Variants in CRB2 observed in about 807,000 individuals in gnomAD.
The protein encoded by CRB2 is crumbs cell polarity complex component 2.
Under a neutral mutation model 110.9 loss-of-function variants are expected in CRB2, and 85 were observed. That is an observed-to-expected ratio of 0.77 (90% confidence interval 0.64 to 0.92). The LOEUF is 0.92. CRB2 is among the 40% of genes least tolerant of loss of function. The pLI, the probability that CRB2 is intolerant of heterozygous loss-of-function variation, is 0.00. For synonymous variants in CRB2, 907 were observed against 831.0 expected, an observed-to-expected ratio of 1.09 and a Z score of -1.57; for missense variants, 1,843 against 1,851.3, an observed-to-expected ratio of 1.00 and a Z score of 0.08.
At chr9:123,374,917 C>T (rs2042080743) in intron 11 of CRB2, among the ~76,000 whole-genome samples, 1 of 152,250 alleles carries the variant, frequency 6.6e-6, no homozygotes, top group Non-Finnish European at 1.5e-5. Flanking sequence ...GAAACCCAGC[C>T]TCAGCCCGCC....
chr9:123,372,983 G>A, intron 9 of CRB2, 151 bp from the exon 10 acceptor site: 1 of 604,554 alleles, frequency 1.7e-6, no homozygotes, highest in Non-Finnish European at 2.7e-6. Context: ...GGGTGGTGGG[G>A]GCGGCTGCAG....
intron 6 of CRB2, among the ~76,000 whole-genome samples, chr9:123,368,521 T>G (rs192917364): frequency 6.6e-6 from 1 of 152,370 alleles, no homozygotes; most frequent in Admixed American, 6.5e-5. Flanking sequence ...TTTTGTTTTT[T>G]CCTTGCCACA....
At chr9:123,361,382 G>A (rs557681366) in intron 1 of CRB2, among the ~76,000 whole-genome samples, 36 of 152,334 alleles carry the variant, frequency 2.4e-4, no homozygotes, top group African/African-American at 8.2e-4. Flanking sequence ...AGGACTGCCC[G>A]ATGCCCCAAA....
At chr9:123,379,823 C>G (rs1004297727), downstream of CRB2, 1 of 152,606 alleles carries the variant, frequency 6.6e-6, no homozygotes, top group Non-Finnish European at 1.5e-5. Flanking sequence ...CCTGGGGCCG[C>G]CAGCACCTCC....
intron 6 of CRB2, among the ~76,000 whole-genome samples, 186 bp downstream of exon 6, chr9:123,367,872 G>A (rs566800581): frequency 6.6e-6 from 1 of 152,270 alleles, no homozygotes; most frequent in Non-Finnish European, 1.5e-5. Context: ...CTGGGGCTCA[G>A]GAGTGTAGTC....
Position 123,377,109 on chromosome 9 carries a change from C to T in CRB2, c.*47C>T. On this transcript the variant is annotated 3_prime_UTR_variant, in exon 13 of 13. Coordinates refer to ENST00000373631, the MANE Select transcript of CRB2 (RefSeq NM_173689.7). The stretch of plus-strand genomic sequence containing the variant: ...AGCACCTGGAGGTCCTGAATGGTTT[C>T]TACCTGGAGACCCAAGGAAGCTGCT... 6.9e-7 allele frequency: 1 copy of T among 1,453,860 alleles called. No individual in the cohort carries two copies. The highest frequency in any genetic ancestry group is 9.2e-7 in the Non-Finnish European group (1 of 1,090,970). The allele number at this position is 1,453,860 out of a possible 1,614,324, so 90.1% of individuals were successfully genotyped here. A position where few individuals can be genotyped will look rare whatever the true frequency, so the allele number is the denominator to read the frequency against.
Position 123,375,338 on chromosome 9 carries a change from G to A in CRB2, c.3628G>A (p.Val1210Met). Residue 1210 changes from valine to methionine, a missense_variant, in exon 12 of 13, where the codon GTG becomes ATG. Val to Met is a conservative substitution (Grantham distance 21, BLOSUM62 1). Transcript: ENST00000373631. ...NARFSGQFCE[V>M]AKGLPLPLPF... ...CAGATTCTCCGGCCAGTTCTGTGAA[G>A]TGGCGGTGAGTGTTGTCAGGGGTGA... 1 of 1,588,062 alleles carries A rather than the reference G, an allele frequency of 6.3e-7. No homozygotes were observed. The highest frequency in any genetic ancestry group is 2.2e-5 in the East Asian group (1 of 44,484).
Position 123,367,682 on chromosome 9 carries a change from C to T in CRB2, c.1050C>T (p.Tyr350=), listed in dbSNP as rs144488884. The T allele has an allele frequency of 2.1e-5, 32 of 1,554,444 alleles. No individual in the cohort carries two copies. The highest frequency in any genetic ancestry group is 5.9e-5 in the South Asian group (5 of 84,422). ...NGFQCHCPDG[Y]AGPTCEEDVD... Reference sequence around the variant, plus strand: ...TCCAGTGTCACTGCCCAGATGGCTACGCAGGTGTCTGGGGTGGGGTGGGCC... The same window carrying T: ...TCCAGTGTCACTGCCCAGATGGCTATGCAGGTGTCTGGGGTGGGGTGGGCC... Residue 350 remains tyrosine, a synonymous_variant, in exon 6 of 13, where the codon TAC becomes TAT. Transcript: ENST00000373631.
In CRB2 at chr9:123,356,365, G is replaced by A. The variant is rs1588200119; in HGVS notation, c.94+11G>A. The A allele has an allele frequency of 5.2e-6, 8 of 1,538,084 alleles. No individual in the cohort carries two copies. The highest frequency in any genetic ancestry group is 2.1e-5 in the Admixed American group (1 of 48,106). ...TTTCCCTCCTGGCTGGTGAGTTGGG[G>A]CCCATGTCTGGAGGGGCCTGGGAGA... On this transcript the variant is annotated intron_variant, in intron 1 of 12. Coordinates refer to ENST00000373631, the MANE Select transcript of CRB2 (RefSeq NM_173689.7).
intron 12 of CRB2, 75 bp downstream of exon 12, chr9:123,375,418 C>T (rs777250125): frequency 2.5e-5 from 36 of 1,464,514 alleles, no homozygotes; most frequent in South Asian, 1.3e-4. Flanking sequence ...GGGGAGAGAG[C>T]GCAGCACCAT....
Position 123,377,102 on chromosome 9 carries a change from A to G in CRB2, c.*40A>G. 5 of 1,478,962 alleles carry G rather than the reference A, an allele frequency of 3.4e-6. No individual in the cohort carries two copies. The highest frequency in any genetic ancestry group is 1.4e-5 in the South Asian group (1 of 71,694). The allele number at this position is 1,478,962 out of a possible 1,614,324, so 91.6% of individuals were successfully genotyped here. On this transcript the variant is annotated 3_prime_UTR_variant, in exon 13 of 13. Transcript: ENST00000373631. ...TGGCACCAGCACCTGGAGGTCCTGA[A>G]TGGTTTCTACCTGGAGACCCAAGGA...
chr9:123,360,194 T>C (rs1045070636), intron 1 of CRB2, among the ~76,000 whole-genome samples: 1 of 152,148 alleles, frequency 6.6e-6, no homozygotes, highest in Admixed American at 6.5e-5. Context: ...AATGTAATAA[T>C]AGATGCACAG....
At chr9:123,371,802 G>A (rs190084447) in intron 8 of CRB2, among the ~76,000 whole-genome samples, 3 of 152,274 alleles carry the variant, frequency 2.0e-5, no homozygotes, top group East Asian at 3.9e-4. Context: ...GTGTCTCCCC[G>A]AGCTAGTCCT....
chr9:123,366,303 C>A lies in CRB2; in HGVS notation c.691C>A (p.Pro231Thr). 6.5e-7 allele frequency: 1 copy of A among 1,527,376 alleles called. No individual in the cohort carries two copies. The highest frequency in any genetic ancestry group is 8.7e-7 in the Non-Finnish European group (1 of 1,150,384). The allele number at this position is 1,527,376 out of a possible 1,614,324, so 94.6% of individuals were successfully genotyped here. Residue 231 changes from proline to threonine, a missense_variant, in exon 4 of 13, where the codon CCC (proline) becomes ACC (threonine). Transcript: ENST00000373631. ...EREVLECASAPCEHNASCLEG... is the reference protein window; with the variant it reads ...EREVLECASATCEHNASCLEG... ...GGAGGTGCTGGAGTGCGCATCGGCG[C>A]CCTGCGAGCACAACGCGTCCTGCCT...
chr9:123,369,556 T>C (rs1399989956), intron 6 of CRB2, among the ~76,000 whole-genome samples: 1 of 151,878 alleles, frequency 6.6e-6, no homozygotes, highest in East Asian at 1.9e-4. Flanking sequence ...GACAGAACAG[T>C]ATGAGCAAAG....
At chr9:123,372,691 CTGA>C (rs2042033967) in intron 9 of CRB2, among the ~76,000 whole-genome samples, 4 of 152,234 alleles carry the variant, frequency 2.6e-5, no homozygotes, top group Admixed American at 2.6e-4. Context: ...CTAGGCGGCT[CTGA>C]CTTTATCCCA....
At chr9:123,360,373 C>T (rs2041853607) in intron 1 of CRB2, among the ~76,000 whole-genome samples, 1 of 152,194 alleles carries the variant, frequency 6.6e-6, no homozygotes, top group Non-Finnish European at 1.5e-5. Flanking sequence ...ACAGGCCCCT[C>T]GTTGCCCTGG....
chr9:123,365,630 A>G (rs377464135), intron 2 of CRB2, among the ~76,000 whole-genome samples: 1 of 152,326 alleles, frequency 6.6e-6, no homozygotes, highest in East Asian at 1.9e-4. Flanking sequence ...TCCTTGTTGA[A>G]CTTGGCAACA....
intron 4 of CRB2, 22 bp from the exon 5 acceptor site, chr9:123,367,150 G>A (rs1204213412): frequency 1.3e-6 from 2 of 1,556,422 alleles, no homozygotes; most frequent in Admixed American, 4.0e-5. Flanking sequence ...GAGACCTGAT[G>A]TCCGCGTGTG....
Sources: gnomAD v4.1 joint callset for allele counts (sites outside exome capture counted in the v4.1 genomes callset) on GRCh38, gnomAD v4.1.1 for gene constraint, MANE v1.5 for transcripts, NCBI Gene and HGNC (gene_info 2026-07-23, HGNC 2026-07-21) for gene names.